Variants in PELI1 observed in about 807,000 individuals in gnomAD.
PELI1 encodes the protein pellino E3 ubiquitin protein ligase 1.
Under a neutral mutation model 41.3 loss-of-function variants are expected in PELI1, and 15 were observed. That is an observed-to-expected ratio of 0.36 (90% CI 0.24 to 0.56). The LOEUF is 0.56. Among genes scored for constraint, PELI1 ranks in the 20% least tolerant of loss-of-function variants. The pLI, the probability that PELI1 is intolerant of heterozygous loss-of-function variation, is 0.82. For missense variants in PELI1, 403 were observed against 525.5 expected (o/e 0.77, Z 2.28); for synonymous variants, 178 against 180.1 (o/e 0.99, Z 0.09).
chr2:64,098,121 T>C (rs140925334), intron 4 of PELI1, among the ~76,000 whole-genome samples: 1 of 152,138 alleles, frequency 6.6e-6, no homozygotes, highest in Non-Finnish European at 1.5e-5. Flanking sequence ...TGAAGCAATA[T>C]TTGTAATGAC....
intron 1 of PELI1, among the ~76,000 whole-genome samples, chr2:64,128,490 ATTTC>A (rs1296169247): frequency 6.6e-6 from 1 of 152,042 alleles, no homozygotes; most frequent in African/African-American, 2.4e-5. Flanking sequence ...TGCCACAAAC[ATTTC>A]TTTCTCCTCA....
intron 1 of PELI1, among the ~76,000 whole-genome samples, chr2:64,130,802 G>C (rs1253222421): frequency 1.3e-5 from 2 of 152,060 alleles, no homozygotes; most frequent in African/African-American, 4.8e-5. Flanking sequence ...AGCCTTTTGG[G>C]AACAGATGTG....
At chr2:64,119,894 C>G (rs1320631083) in intron 1 of PELI1, among the ~76,000 whole-genome samples, 1 of 151,962 alleles carries the variant, frequency 6.6e-6, no homozygotes, top group Non-Finnish European at 1.5e-5. Flanking sequence ...AGCAACACTC[C>G]ATTTAAAAAA....
At chr2:64,133,179 C>G (rs968228243) in intron 1 of PELI1, among the ~76,000 whole-genome samples, 1 of 152,088 alleles carries the variant, frequency 6.6e-6, no homozygotes, top group African/African-American at 2.4e-5. Flanking sequence ...TTATTTGTTA[C>G]CATTTCATTT....
At chr2:64,136,634 G>A (rs538230623) in intron 1 of PELI1, among the ~76,000 whole-genome samples, 105 of 152,350 alleles carry the variant, frequency 6.9e-4, no homozygotes, top group African/African-American at 2.5e-3. Flanking sequence ...GGCTGGGCGC[G>A]GCGGCTCACG....
At chr2:64,131,044 A>G (rs1681537957) in intron 1 of PELI1, among the ~76,000 whole-genome samples, 1 of 152,182 alleles carries the variant, frequency 6.6e-6, no homozygotes, top group African/African-American at 2.4e-5. Flanking sequence ...ACTGCCCTTC[A>G]TAACCCTTTA....
chr2:64,110,928 A>AATATAT (rs113178570), intron 1 of PELI1, among the ~76,000 whole-genome samples: 2,496 of 149,258 alleles, frequency 0.017, 24 homozygotes, highest in African/African-American at 0.022. Flanking sequence ...TCCATTTCAA[A>AATATAT]ATATATATAT....
At chr2:64,140,915 C>T (rs1558490270) in intron 1 of PELI1, among the ~76,000 whole-genome samples, 1 of 151,216 alleles carries the variant, frequency 6.6e-6, no homozygotes, top group Non-Finnish European at 1.5e-5. Context: ...TATTCTATGG[C>T]ACAGGTCACA....
intron 2 of PELI1, chr2:64,106,106 A>C (rs1268934326): frequency 3.3e-5 from 5 of 152,222 alleles, no homozygotes; most frequent in Admixed American, 1.3e-4. Flanking sequence ...TTAGCTAATA[A>C]TTATTTTAGC....
intron 1 of PELI1, among the ~76,000 whole-genome samples, chr2:64,119,532 A>G (rs924176002): frequency 6.6e-6 from 1 of 152,216 alleles, no homozygotes; most frequent in African/African-American, 2.4e-5. Flanking sequence ...AGCACCTCGT[A>G]ACGTGTGTAG....
At chr2:64,095,798 C>T (rs1271626323) in intron 6 of PELI1, among the ~76,000 whole-genome samples, 1 of 152,184 alleles carries the variant, frequency 6.6e-6, no homozygotes, top group Non-Finnish European at 1.5e-5. Context: ...CATGCGCCAC[C>T]ATGCCTGGCT....
At chr2:64,113,019 C>T (rs536959335) in intron 1 of PELI1, among the ~76,000 whole-genome samples, 21 of 151,812 alleles carry the variant, frequency 1.4e-4, no homozygotes, top group Admixed American at 7.9e-4. Flanking sequence ...GGCTCATGCC[C>T]GTAATCCCAG....
chr2:64,102,050 C>T (rs1680455820), intron 3 of PELI1, among the ~76,000 whole-genome samples: 1 of 152,070 alleles, frequency 6.6e-6, no homozygotes. Context: ...TGGTCTCGAA[C>T]TCCTGACCTC....
intron 1 of PELI1, among the ~76,000 whole-genome samples, chr2:64,142,778 CTTAA>C (rs1681954905): frequency 6.6e-6 from 1 of 152,086 alleles, no homozygotes; most frequent in South Asian, 2.1e-4. Flanking sequence ...ATTATGAAAA[CTTAA>C]TAATAAATTC....
intron 1 of PELI1, among the ~76,000 whole-genome samples, chr2:64,142,733 C>T (rs1439416580): frequency 6.6e-6 from 1 of 152,054 alleles, no homozygotes; most frequent in Non-Finnish European, 1.5e-5. Context: ...ATAAAGTGAA[C>T]CTTTACCACA....
chr2:64,109,300 A>C (rs1680727054), intron 1 of PELI1, among the ~76,000 whole-genome samples: 1 of 152,228 alleles, frequency 6.6e-6, no homozygotes, highest in Non-Finnish European at 1.5e-5. Context: ...GAAGGTTTAG[A>C]TAATATCCAG....
chr2:64,135,257 A>C (rs905149189), intron 1 of PELI1, among the ~76,000 whole-genome samples: 2 of 152,110 alleles, frequency 1.3e-5, no homozygotes, highest in African/African-American at 2.4e-5. Flanking sequence ...TAACTCAATG[A>C]GTTTGAGTTT....
At chr2:64,137,488 T>G (rs1445083498) in intron 1 of PELI1, among the ~76,000 whole-genome samples, 1 of 152,154 alleles carries the variant, frequency 6.6e-6, no homozygotes, top group Admixed American at 6.5e-5. Context: ...CTTGTATGTG[T>G]GTGTGTGTGT....
At position 64,100,490 on chromosome 2, in the gene PELI1, T is replaced by C. The variant is rs1680389517; in HGVS notation, c.211A>G (p.Asn71Asp). The C allele has an allele frequency of 1.9e-6, 3 of 1,561,748 alleles. No individual in the cohort carries two copies. The highest frequency in any genetic ancestry group is 1.8e-6 in the Non-Finnish European group (2 of 1,132,970). Residue 71 changes from asparagine (N) to aspartate (D), a missense_variant, in exon 4 of 7, where the codon AAC (asparagine) becomes GAC (aspartate). Asn to Asp is a conservative substitution (Grantham distance 23). Coordinates refer to ENST00000358912, the MANE Select transcript of PELI1 (RefSeq NM_020651.4). The stretch of plus-strand genomic sequence containing the variant: ...TATGATATGCTATGCTGGTCTTTGT[T>C]GCTTATTGCCTAAGAATGAAAAAGT... Reference protein sequence around the residue: ...CTPQAAKAISNKDQHSISYTL... With the variant: ...CTPQAAKAISDKDQHSISYTL...
Sources: allele counts gnomAD v4.1 joint callset (sites outside exome capture counted in the v4.1 genomes callset), GRCh38; gene constraint gnomAD v4.1.1; transcripts MANE v1.5; gene names NCBI Gene and HGNC (gene_info 2026-07-23, HGNC 2026-07-21).